OFD1: variants seen among roughly 807,000 people sequenced by gnomAD.
OFD1 encodes OFD1 centriole and centriolar satellite protein.
A neutral mutation model predicts 81.4 loss-of-function variants in OFD1; 12 were observed. The ratio of observed to expected loss-of-function variants is 0.15; its 90% CI spans 0.09 to 0.24. The LOEUF is 0.24. Ranked by LOEUF, OFD1 falls within the 10% of genes least tolerant of loss-of-function variation. The pLI is 1.00. For synonymous variants in OFD1, 256 were observed against 263.7 expected, an observed-to-expected ratio of 0.97 and a Z score of 0.28; for missense variants, 685 against 733.9, an observed-to-expected ratio of 0.93 and a Z score of 0.77.
At chrX:13,740,171 G>A in intron 5 of OFD1, 1 of 969,208 alleles carries the variant, frequency 1.0e-6, no homozygotes, top group South Asian at 2.0e-5. Flanking sequence ...AAGATATTCT[G>A]GACTGCCCGC....
intron 6 of OFD1, 85 bp from the exon 7 acceptor site, chrX:13,746,234 C>A: frequency 2.3e-6 from 2 of 871,695 alleles, no homozygotes; most frequent in Admixed American, 4.5e-5. Flanking sequence ...CCTAAGTATC[C>A]TCTTTACTTT....
intron 8 of OFD1, 97 bp from the exon 9 acceptor site, chrX:13,749,330 G>C (rs1263565506): frequency 1.9e-6 from 1 of 533,717 alleles, no homozygotes; most frequent in Non-Finnish European, 3.4e-6. Context: ...CTAAATGTCT[G>C]TACTTTGCTT....
In OFD1 at chrX:13,749,417, T is replaced by C; in HGVS notation, c.829-10T>C. 9.3e-7 allele frequency: 1 copy of C among 1,071,737 alleles called. No homozygotes were observed. 88.3% of individuals were successfully genotyped at this position (1,071,737 alleles called of 1,213,427 possible). ...GCTTGCTTGCTAAAAATTAATGCTT[T>C]TCTATACAGATTGAAACAAAAGAAA... is the stretch of plus-strand genomic sequence containing the variant. On this transcript the variant is annotated splice_polypyrimidine_tract_variant and intron_variant, in intron 8 of 22. Coordinates refer to ENST00000340096, the MANE Select transcript of OFD1 (RefSeq NM_003611.3).
At chrX:13,728,078 T>A in the OFD1 span, among the ~76,000 whole-genome samples, 1 of 111,656 alleles carries the variant, frequency 9.0e-6, no homozygotes, top group Non-Finnish European at 1.9e-5. Context: ...AATAGACCAA[T>A]AACAGGTTCT....
intron 8 of OFD1, among the ~76,000 whole-genome samples, 160 bp downstream of exon 8, chrX:13,747,113 G>T (rs1030224036): frequency 5.4e-5 from 6 of 111,937 alleles, no homozygotes; most frequent in Non-Finnish European, 1.1e-4. Flanking sequence ...CCTTGAAAAG[G>T]ATACACAAAT....
intron 9 of OFD1, among the ~76,000 whole-genome samples, chrX:13,749,806 C>T (rs1363593349): frequency 8.9e-6 from 1 of 112,479 alleles, no homozygotes; most frequent in East Asian, 2.8e-4. Context: ...TGGAACAGAT[C>T]GTATGTTTTG....
At chrX:13,770,552 C>T (rs755823133), downstream of OFD1, among the ~76,000 whole-genome samples, 20 of 112,209 alleles carry the variant, frequency 1.8e-4, no homozygotes, top group Non-Finnish European at 3.0e-4. Flanking sequence ...TTTTTGTATT[C>T]CAGAGTAAAT....
chrX:13,752,262 T>G (rs2047531458), intron 10 of OFD1, among the ~76,000 whole-genome samples: 1 of 112,412 alleles, frequency 8.9e-6, no homozygotes, highest in African/African-American at 3.2e-5. Context: ...AATATCTCAG[T>G]GCTACGACAT....
At chrX:13,767,016 A>G (rs1321205845) in intron 19 of OFD1, 111 bp from the exon 20 acceptor site, 15 of 752,327 alleles carry the variant, frequency 2.0e-5, no homozygotes, top group Non-Finnish European at 3.1e-5. Context: ...AGAGTCAACT[A>G]AAAGCCAAGC....
At chrX:13,767,562 C>T (rs1360223323) in intron 20 of OFD1, among the ~76,000 whole-genome samples, 1 of 112,316 alleles carries the variant, frequency 8.9e-6, no homozygotes, top group Non-Finnish European at 1.9e-5. Context: ...GTAGACTGTG[C>T]TTTGCTGCAG....
At chrX:13,755,946 C>CTTTTTTT (rs34300430) in intron 12 of OFD1, among the ~76,000 whole-genome samples, 12 of 65,084 alleles carry the variant, frequency 1.8e-4, no homozygotes, top group Non-Finnish European at 2.6e-4. Context: ...CTTTCTTTCC[C>CTTTTTTT]TTTTTTTTTT....
At chrX:13,756,297 G>C (rs1276085580) in intron 12 of OFD1, among the ~76,000 whole-genome samples, 1 of 111,761 alleles carries the variant, frequency 8.9e-6, no homozygotes, top group Non-Finnish European at 1.9e-5. Flanking sequence ...ATATTGCTAT[G>C]ATGTGTGATT....
At chrX:13,734,584 C>T, upstream of OFD1, 1 of 626,835 alleles carries the variant, frequency 1.6e-6, no homozygotes. Context: ...AGACCCGCGC[C>T]CCGAACCTGT....
chrX:13,763,823 C>T lies in OFD1; in HGVS notation c.2567C>T (p.Ala856Val), dbSNP rs769381589. 1 of 1,210,602 alleles carries T rather than the reference C, an allele frequency of 8.3e-7. No individual in the cohort carries two copies. Among genetic ancestry groups the T allele is most frequent in the Non-Finnish European group, 1.1e-6 (1 of 894,589 alleles). The change falls in exon 19 of 23, where the codon GCA becomes GTA. Residue 856 changes from alanine (A) to valine (V), a missense_variant. Coordinates refer to ENST00000340096, the MANE Select transcript of OFD1 (RefSeq NM_003611.3). ...GATATGTCTCATGTGGACGCTGCTG[C>T]AGCTGCTGTGCCCCTCTCATATCAG... ...AGDMSHVDAA[A>V]AAVPLSYQHP...
chrX:13,752,729 C>T, intron 10 of OFD1: 6 of 971,904 alleles, frequency 6.2e-6, no homozygotes, highest in Non-Finnish European at 6.6e-6. Flanking sequence ...TGGTGTCTGC[C>T]TGGCTTTGGG....
In OFD1 at chrX:13,751,275, A is replaced by C; in HGVS notation, c.962A>C (p.His321Pro). The part of the protein sequence containing the change: ...ELNQKLQEEK[H>P]KSITEALRRQ... ...AACCAGAAGCTCCAGGAAGAAAAAC[A>C]TAAAAGCATAACTGAGGCACTTAGG... Residue 321 changes from histidine (H) to proline (P), a missense_variant, in exon 10 of 23, where the codon CAT becomes CCT. Around this residue, in one of 3 missense-constraint regions of OFD1, gnomAD observed 414 missense variants for 447.2 expected, o/e 0.93. Transcript: ENST00000340096. 1 of 1,208,115 alleles carries C rather than the reference A, an allele frequency of 8.3e-7. No individual in the cohort carries two copies. Among genetic ancestry groups the C allele is most frequent in the Non-Finnish European group, 1.1e-6 (1 of 892,462 alleles).
At chrX:13,725,572 A>G in the OFD1 span, among the ~76,000 whole-genome samples, 3 of 112,140 alleles carry the variant, frequency 2.7e-5, no homozygotes, top group African/African-American at 9.7e-5. Flanking sequence ...ATCAACAAAA[A>G]CAACATCTAC....
intron 3 of OFD1, 187 bp from the exon 4 acceptor site, chrX:13,738,659 C>T: frequency 2.5e-6 from 1 of 396,313 alleles, no homozygotes; most frequent in Non-Finnish European, 4.4e-6. Flanking sequence ...TCCTTTTGAC[C>T]TTGATATGTT....
intron 6 of OFD1, among the ~76,000 whole-genome samples, chrX:13,746,088 A>G (rs1217719105): frequency 3.6e-5 from 4 of 112,232 alleles, no homozygotes; most frequent in African/African-American, 1.3e-4. Flanking sequence ...TTTAGCGAAC[A>G]CTTGTATACC....
Sources: allele counts gnomAD v4.1 joint callset (sites outside exome capture counted in the v4.1 genomes callset), GRCh38; gene constraint gnomAD v4.1.1; regional missense constraint gnomAD v4.1.1; transcripts MANE v1.5; gene names NCBI Gene and HGNC (gene_info 2026-07-23, HGNC 2026-07-21).